Variants in AKAP12 observed in about 807,000 individuals in gnomAD.
The protein encoded by AKAP12 is A-kinase anchoring protein 12.
In AKAP12, 32 loss-of-function variants were observed where a neutral mutation model predicts 79.9. The observed-to-expected ratio is 0.40, with a 90% CI of 0.30 to 0.54. AKAP12 has a LOEUF of 0.54. Among genes scored for constraint, AKAP12 ranks in the 20% least tolerant of loss-of-function variants. The pLI is 0.48. For missense variants in AKAP12, 2,074 were observed against 2,177.0 expected, an observed-to-expected ratio of 0.95 and a Z score of 0.94; for synonymous variants, 808 against 857.0, an observed-to-expected ratio of 0.94 and a Z score of 1.00.
At chr6:151,311,151 G>T (rs1425726455) in intron 3 of AKAP12, among the ~76,000 whole-genome samples, 1 of 152,164 alleles carries the variant, frequency 6.6e-6, no homozygotes, top group Non-Finnish European at 1.5e-5. Flanking sequence ...AAATGCTTTT[G>T]TAGAAACAGG....
In AKAP12 at chr6:151,332,582, G is replaced by A. The variant is rs376023454; in HGVS notation, c.320-16129G>A. 9.5e-4 allele frequency among the ~76,000 whole-genome samples: 144 copies of A among 152,320 alleles called. 6 individuals carry two copies. In the South Asian group the frequency reaches 0.029, roughly 31 times the overall value. On this transcript the variant is annotated intron_variant, in intron 3 of 4. Coordinates refer to ENST00000402676, the MANE Select transcript of AKAP12 (RefSeq NM_005100.4). ...TTCTCTTGAGAAACAAGGCATGGAT[G>A]ATGTTGTTTCACTAATGGTTGATGT...
intron 2 of AKAP12, among the ~76,000 whole-genome samples, chr6:151,261,387 A>G (rs1179721300): frequency 6.6e-6 from 1 of 151,270 alleles, no homozygotes; most frequent in Non-Finnish European, 1.5e-5. Flanking sequence ...AACCCATAAA[A>G]TAAAATAAAA....
At chr6:151,261,089 C>T (rs975357987) in intron 2 of AKAP12, among the ~76,000 whole-genome samples, 23 of 152,152 alleles carry the variant, frequency 1.5e-4, no homozygotes, top group African/African-American at 5.3e-4. Context: ...GGGTTGGCAT[C>T]TAAAAACCAA....
At position 151,240,517 on chromosome 6, in the gene AKAP12, GA is replaced by G. The variant is rs1419754055; in HGVS notation, c.-44del. On this transcript the variant is annotated 5_prime_UTR_variant, in exon 2 of 5. Transcript: ENST00000402676. ...CTTGCCCCTGTCCCTGCGGCTTGGG[GA>G]AGGCGTAACCCGGCGGCTAGGCGCG... is the stretch of plus-strand genomic sequence containing the variant. The G allele has an allele frequency of 7.2e-7, 1 of 1,391,030 alleles. No homozygotes were observed. The highest frequency in any genetic ancestry group is 1.6e-5 in the South Asian group (1 of 63,516). 86.2% of individuals were successfully genotyped at this position (1,391,030 alleles called of 1,614,324 possible).
intron 2 of AKAP12, among the ~76,000 whole-genome samples, chr6:151,295,997 T>C (rs1383618088): frequency 6.6e-6 from 1 of 152,176 alleles, no homozygotes; most frequent in African/African-American, 2.4e-5. Flanking sequence ...TTTTGGCTTG[T>C]TGGTTTTGTT....
chr6:151,357,175 TG>T lies in AKAP12; in HGVS notation c.*1462del, dbSNP rs1187665634. 1 of 100,722 alleles carries T rather than the reference TG, an allele frequency of 9.9e-6. No individual in the cohort carries two copies. Among genetic ancestry groups the T allele is most frequent in the African/African-American group, 3.5e-5 (1 of 28,330 alleles). 6.2% of individuals were successfully genotyped at this position (100,722 alleles called of 1,614,324 possible). On this transcript the variant is annotated 3_prime_UTR_variant, in exon 5 of 5. Coordinates refer to ENST00000402676, the MANE Select transcript of AKAP12 (RefSeq NM_005100.4). ...GAGTCATGCTAATACATTGAGGGTT[TG>T]TTTTTTTGTTTGTTTGTTTGTTTGT...
chr6:151,348,701 T>C lies in AKAP12; in HGVS notation c.320-10T>C. ...CTTCTCCCCACCCCCCCGCCCCTTT[T>C]TGTTAATAGTTGGACAGAGAGACTC... On this transcript the variant is annotated splice_polypyrimidine_tract_variant and intron_variant, in intron 3 of 4. Transcript: ENST00000402676. 1 of 367,744 alleles carries C rather than the reference T, an allele frequency of 2.7e-6. No individual in the cohort carries two copies. The highest frequency in any genetic ancestry group is 4.4e-6 in the Non-Finnish European group (1 of 225,350). The allele number at this position is 367,744 out of a possible 1,614,324, so 22.8% of individuals were successfully genotyped here. A position where few individuals can be genotyped will look rare whatever the true frequency, so the allele number is the denominator to read the frequency against.
intron 2 of AKAP12, among the ~76,000 whole-genome samples, chr6:151,281,833 A>G (rs1443365179): frequency 6.6e-6 from 1 of 151,496 alleles, no homozygotes; most frequent in Non-Finnish European, 1.5e-5. Context: ...ATACAGGCCT[A>G]CACCATACCC....
At chr6:151,338,461 T>C (rs1777869956) in intron 3 of AKAP12, among the ~76,000 whole-genome samples, 1 of 151,978 alleles carries the variant, frequency 6.6e-6, no homozygotes, top group South Asian at 2.1e-4. Context: ...ACTCATTTTT[T>C]TTTTTTTTCC....
At chr6:151,313,360 T>C (rs1327827835) in intron 3 of AKAP12, among the ~76,000 whole-genome samples, 2 of 152,232 alleles carry the variant, frequency 1.3e-5, no homozygotes, top group Non-Finnish European at 2.9e-5. Flanking sequence ...TTTCTCAAGC[T>C]GTATCCTGTT....
chr6:151,341,648 G>A, intron 3 of AKAP12: 1 of 1,081,200 alleles, frequency 9.2e-7, no homozygotes, highest in Non-Finnish European at 1.1e-6. Context: ...CCCTGCCGGC[G>A]GGCTGCGCGC....
chr6:151,316,886 C>A (rs1419321351), intron 3 of AKAP12, among the ~76,000 whole-genome samples: 1 of 152,196 alleles, frequency 6.6e-6, no homozygotes, highest in Non-Finnish European at 1.5e-5. Context: ...GATCAGCCCG[C>A]CTTGGCCTCT....
rs200247107 is a variant in AKAP12, at chr6:151,256,452, T to A, written c.162+15728T>A. Among the ~76,000 whole-genome samples, 8 of 152,168 alleles carry A rather than the reference T, an allele frequency of 5.3e-5. 1 individual carries two copies. In the East Asian group the frequency reaches 1.2e-3, roughly 22 times the overall value. The stretch of plus-strand genomic sequence containing the variant: ...GGTGTGACTTCTGCATTTATTATGA[T>A]CTGCAATATAAAGCCAATAATTACC... On this transcript the variant is annotated intron_variant, in intron 2 of 4. Transcript: ENST00000402676.
At chr6:151,243,294 T>A (rs1187407523) in intron 2 of AKAP12, among the ~76,000 whole-genome samples, 3 of 152,228 alleles carry the variant, frequency 2.0e-5, no homozygotes, top group Non-Finnish European at 2.9e-5. Flanking sequence ...CCTCCTTGGA[T>A]AGAATGTGGT....
intron 2 of AKAP12, among the ~76,000 whole-genome samples, chr6:151,244,384 C>T (rs932958188): frequency 4.7e-4 from 71 of 152,054 alleles, no homozygotes; most frequent in Non-Finnish European, 1.0e-3. Flanking sequence ...ATTAGCCAGG[C>T]GTGGTGGCGG....
In AKAP12 at chr6:151,357,067, A is replaced by C. The variant is rs1778459485; in HGVS notation, c.*1353A>C. On this transcript the variant is annotated 3_prime_UTR_variant, in exon 5 of 5. Transcript: ENST00000402676. ...TCAAACAATAACAAATGTCTCTAGA[A>C]AGAAATTTTAAGAAAGCTTAATTAA... 6.6e-6 allele frequency: 1 copy of C among 152,272 alleles called. No homozygotes were observed. Among genetic ancestry groups the C allele is most frequent in the Admixed American group, 6.5e-5 (1 of 15,284 alleles). The allele number at this position is 152,272 out of a possible 1,614,324, so 9.4% of individuals were successfully genotyped here. A position where few individuals can be genotyped will look rare whatever the true frequency, so the allele number is the denominator to read the frequency against.
chr6:151,312,793 C>CAAAA (rs55685824), intron 3 of AKAP12, among the ~76,000 whole-genome samples: 5,609 of 72,712 alleles, frequency 0.077, 320 homozygotes, highest in East Asian at 0.33. Flanking sequence ...ACTCTGTCTC[C>CAAAA]AAAAAAAAAA....
At chr6:151,337,750 A>C (rs530843804) in intron 3 of AKAP12, among the ~76,000 whole-genome samples, 1 of 152,178 alleles carries the variant, frequency 6.6e-6, no homozygotes, top group South Asian at 2.1e-4. Context: ...TATATTAATA[A>C]ATTCACTGGA....
intron 3 of AKAP12, among the ~76,000 whole-genome samples, chr6:151,341,511 G>A (rs1451609334): frequency 6.6e-6 from 1 of 152,198 alleles, no homozygotes; most frequent in Non-Finnish European, 1.5e-5. Context: ...GAGGTCGAGG[G>A]CTGGCGCCGG....
Sources: allele counts gnomAD v4.1 joint callset (sites outside exome capture counted in the v4.1 genomes callset), GRCh38; gene constraint gnomAD v4.1.1; transcripts MANE v1.5; gene names NCBI Gene and HGNC (gene_info 2026-07-23, HGNC 2026-07-21).